CCSER1: variants seen among roughly 807,000 people sequenced by gnomAD.
The protein encoded by CCSER1 is serine-rich coiled-coil domain-containing protein 1.
A neutral mutation model predicts 82.0 loss-of-function variants in CCSER1; 41 were observed. That is an observed-to-expected ratio of 0.50 (90% CI 0.39 to 0.65). CCSER1 has a LOEUF of 0.65. Ranked by LOEUF, CCSER1 falls within the 30% of genes least tolerant of loss-of-function variation. The pLI is 0.00. For synonymous variants in CCSER1, 414 were observed against 383.9 expected (o/e 1.08, Z -0.92); for missense variants, 1,119 against 1,064.2 (o/e 1.05, Z -0.72).
chr4:91,559,945 G>C (rs1762578277), intron 10 of CCSER1, among the ~76,000 whole-genome samples: 1 of 151,296 alleles, frequency 6.6e-6, no homozygotes, highest in South Asian at 2.1e-4. Flanking sequence ...AAAAGAGTAG[G>C]AAAAATATAA....
chr4:91,254,472 A>G (rs1284367156), intron 10 of CCSER1, among the ~76,000 whole-genome samples: 1 of 152,218 alleles, frequency 6.6e-6, no homozygotes, highest in Non-Finnish European at 1.5e-5. Context: ...ATCTGATTCT[A>G]CTTATATTAG....
intron 5 of CCSER1, among the ~76,000 whole-genome samples, chr4:90,625,935 C>T (rs1184412938): frequency 6.6e-6 from 1 of 152,098 alleles, no homozygotes; most frequent in East Asian, 1.9e-4. Context: ...CCCTGAAATA[C>T]AGTGTTAGAA....
chr4:90,715,546 A>G (rs1301556960), intron 6 of CCSER1, among the ~76,000 whole-genome samples: 4 of 152,152 alleles, frequency 2.6e-5, no homozygotes, highest in South Asian at 2.1e-4. Context: ...TGAGACAATC[A>G]TCTCTTGGGA....
chr4:91,155,155 T>A (rs750000920), intron 10 of CCSER1, among the ~76,000 whole-genome samples: 1 of 151,964 alleles, frequency 6.6e-6, no homozygotes, highest in Non-Finnish European at 1.5e-5. Flanking sequence ...GGTTTGGCTC[T>A]GTGTCTCCAA....
intron 7 of CCSER1, among the ~76,000 whole-genome samples, chr4:90,810,541 C>T (rs535316728): frequency 1.1e-3 from 160 of 151,834 alleles, no homozygotes; most frequent in African/African-American, 3.8e-3. Context: ...CCCAGCTACT[C>T]GGGAGGCTGA....
At chr4:90,551,704 C>A (rs202192138) in intron 5 of CCSER1, among the ~76,000 whole-genome samples, 3,474 of 107,292 alleles carry the variant, frequency 0.032, 55 homozygotes, top group African/African-American at 0.058. Context: ...CTCTCTCTCT[C>A]TCTATATATA....
intron 6 of CCSER1, among the ~76,000 whole-genome samples, chr4:90,650,367 A>G (rs1382749971): frequency 6.6e-6 from 1 of 152,208 alleles, no homozygotes; most frequent in Non-Finnish European, 1.5e-5. Flanking sequence ...GTGGGATTCA[A>G]TTGCAAAGGA....
chr4:91,246,222 CAAAGTT>C (rs1219194547), intron 10 of CCSER1, among the ~76,000 whole-genome samples: 1 of 152,056 alleles, frequency 6.6e-6, no homozygotes, highest in African/African-American at 2.4e-5. Context: ...AGCAGGGTGA[CAAAGTT>C]AAAGTGTAGA....
At chr4:91,228,326 G>A (rs1031720151) in intron 10 of CCSER1, among the ~76,000 whole-genome samples, 1 of 151,814 alleles carries the variant, frequency 6.6e-6, no homozygotes, top group African/African-American at 2.4e-5. Context: ...CTGTTTCTTT[G>A]GTGAAGAAAA....
intron 8 of CCSER1, among the ~76,000 whole-genome samples, chr4:90,874,391 G>A (rs1225628963): frequency 1.3e-5 from 2 of 151,744 alleles, no homozygotes; most frequent in Non-Finnish European, 2.9e-5. Context: ...TTATTTTTGT[G>A]AAAATTTGTT....
intron 7 of CCSER1, among the ~76,000 whole-genome samples, chr4:90,780,082 T>A (rs1375651481): frequency 6.6e-6 from 1 of 152,190 alleles, no homozygotes; most frequent in Non-Finnish European, 1.5e-5. Flanking sequence ...CACTTATAAG[T>A]AGGTATCTTT....
chr4:90,548,115 C>G (rs1776998516), intron 5 of CCSER1, among the ~76,000 whole-genome samples: 1 of 151,720 alleles, frequency 6.6e-6, no homozygotes, highest in South Asian at 2.1e-4. Flanking sequence ...TTCTGGGATG[C>G]TATTTGCATT....
At chr4:91,148,937 A>G (rs1729832482) in intron 10 of CCSER1, among the ~76,000 whole-genome samples, 1 of 152,178 alleles carries the variant, frequency 6.6e-6, no homozygotes, top group Non-Finnish European at 1.5e-5. Context: ...TAGTGCCACA[A>G]TAAACATACG....
At chr4:91,290,492 A>G (rs1047364312) in intron 10 of CCSER1, among the ~76,000 whole-genome samples, 1 of 151,966 alleles carries the variant, frequency 6.6e-6, no homozygotes, top group African/African-American at 2.4e-5. Context: ...CTGTCAATAC[A>G]GTTTTATAAT....
intron 1 of CCSER1, among the ~76,000 whole-genome samples, chr4:90,257,729 G>A (rs1007884753): frequency 2.0e-5 from 3 of 152,116 alleles, no homozygotes; most frequent in Admixed American, 6.6e-5. Context: ...TGATGACCCA[G>A]GAGAGTCAAT....
chr4:90,468,353 C>G lies in CCSER1; in HGVS notation c.1723C>G (p.Gln575Glu). The change falls in exon 5 of 11, where the codon CAG (glutamine) becomes GAG (glutamate). Residue 575 changes from glutamine (Q) to glutamate (E), a missense_variant and splice_region_variant. Transcript: ENST00000509176. ...EEPEFPEPSKQNLSLKLTKDV... is the reference protein window; with the variant it reads ...EEPEFPEPSKENLSLKLTKDV... ...ACCAGAATTTCCTGAGCCTTCCAAA[C>G]AGTGAGTTGTTCATTTAATTTTTCA... 6.3e-7 allele frequency: 1 copy of G among 1,599,976 alleles called. No homozygotes were observed. Among genetic ancestry groups the G allele is most frequent in the Non-Finnish European group, 8.5e-7 (1 of 1,172,528 alleles).
intron 8 of CCSER1, among the ~76,000 whole-genome samples, chr4:90,871,029 C>T (rs1766418610): frequency 6.7e-6 from 1 of 150,108 alleles, no homozygotes; most frequent in South Asian, 2.1e-4. Context: ...GTTGTAATGT[C>T]TCCTTTTTTT....
intron 4 of CCSER1, among the ~76,000 whole-genome samples, chr4:90,451,393 T>C (rs951985542): frequency 3.3e-5 from 5 of 152,190 alleles, no homozygotes; most frequent in Non-Finnish European, 4.4e-5. Flanking sequence ...TCCCATCCTT[T>C]GGGTTCCAGG....
intron 10 of CCSER1, among the ~76,000 whole-genome samples, chr4:91,432,308 A>C (rs1488146182): frequency 6.6e-6 from 1 of 152,182 alleles, no homozygotes; most frequent in East Asian, 1.9e-4. Flanking sequence ...TAATTAATTT[A>C]ATTAAACACC....
Sources: allele counts gnomAD v4.1 joint callset (sites outside exome capture counted in the v4.1 genomes callset), GRCh38; gene constraint gnomAD v4.1.1; transcripts MANE v1.5; gene names NCBI Gene and HGNC (gene_info 2026-07-23, HGNC 2026-07-21).